Variants in TTC17 observed in about 807,000 individuals in gnomAD.
TTC17 encodes tetratricopeptide repeat protein 17.
TTC17 carries 58 observed loss-of-function variants against 143.8 expected under a neutral mutation model. The observed-to-expected ratio is 0.40, with a 90% CI of 0.33 to 0.50. The LOEUF is 0.50. Among genes scored for constraint, TTC17 ranks in the 20% least tolerant of loss-of-function variants. The probability of loss-of-function intolerance (pLI) is 0.49; values close to 1 mark genes in which losing one functional copy is unlikely to be tolerated. For missense variants in TTC17, 1,273 were observed against 1,392.5 expected, an observed-to-expected ratio of 0.91 and a Z score of 1.37; for synonymous variants, 501 against 497.8, an observed-to-expected ratio of 1.01 and a Z score of -0.09.
Position 43,473,302 on chromosome 11 carries a change from T to C in TTC17, c.3031-16937T>C, listed in dbSNP as rs185300981. Among the ~76,000 whole-genome samples, 415 of 152,102 alleles carry C rather than the reference T, an allele frequency of 2.7e-3. 1 individual carries two copies. Among genetic ancestry groups the C allele is most frequent in the Non-Finnish European group, 4.2e-3 (285 of 67,976 alleles). On this transcript the variant is annotated intron_variant, in intron 21 of 23. Coordinates refer to ENST00000039989, the MANE Select transcript of TTC17 (RefSeq NM_018259.6). Reference sequence around the variant, plus strand: ...AAATATTTTGAAATGAATGATACAGTGTAAAAGATATGGTATATCAGCACA... The same window carrying C: ...AAATATTTTGAAATGAATGATACAGCGTAAAAGATATGGTATATCAGCACA...
chr11:43,486,659 G>A (rs187456428), intron 21 of TTC17, among the ~76,000 whole-genome samples: 109 of 152,216 alleles, frequency 7.2e-4, no homozygotes, highest in African/African-American at 2.6e-3. Context: ...CAGTAAGGTG[G>A]TCGTTTCTGG....
chr11:43,400,252 AT>A (rs1340615829), intron 9 of TTC17, among the ~76,000 whole-genome samples: 2 of 152,148 alleles, frequency 1.3e-5, no homozygotes, highest in Non-Finnish European at 2.9e-5. Context: ...TCAAATTTAC[AT>A]TTTGAAATAA....
In TTC17 at chr11:43,381,311, TA is replaced by T. The variant is rs146145529; in HGVS notation, c.249+1992del. On this transcript the variant is annotated intron_variant, in intron 2 of 23. Transcript: ENST00000039989. ...CTTGAAAGTAGTATAAGCATCTCCATAAACCAGAAATGAGGAGAAGCACTAA... is the reference window on the plus strand; with the variant it reads ...CTTGAAAGTAGTATAAGCATCTCCATAACCAGAAATGAGGAGAAGCACTAA... Among the ~76,000 whole-genome samples, 1,479 of 152,274 alleles carry T rather than the reference TA, an allele frequency of 9.7e-3. 19 individuals carry two copies. The highest frequency in any genetic ancestry group is 0.033 in the African/African-American group (1,363 of 41,546).
intron 16 of TTC17, among the ~76,000 whole-genome samples, chr11:43,419,863 A>G (rs779081997): frequency 5.9e-5 from 9 of 152,182 alleles, no homozygotes; most frequent in Non-Finnish European, 1.2e-4. Flanking sequence ...ACTCTTAAAC[A>G]GCATTTTAAA....
chr11:43,410,471 A>C (rs2134606836), intron 15 of TTC17, among the ~76,000 whole-genome samples: 1 of 152,286 alleles, frequency 6.6e-6, no homozygotes, highest in South Asian at 2.1e-4. Context: ...CGTCTCCTGG[A>C]TATTTTATAG....
At chr11:43,446,950 G>A (rs77503374) in intron 18 of TTC17, among the ~76,000 whole-genome samples, 1 of 152,182 alleles carries the variant, frequency 6.6e-6, no homozygotes, top group Non-Finnish European at 1.5e-5. Flanking sequence ...AGCTCTGCCA[G>A]TTGCTAGCCA....
At chr11:43,413,036 G>T (rs1015322767) in intron 15 of TTC17, among the ~76,000 whole-genome samples, 2 of 147,634 alleles carry the variant, frequency 1.4e-5, no homozygotes, top group African/African-American at 2.6e-5. Context: ...ACAAATGGGG[G>T]CAGGGTGATG....
At chr11:43,380,533 G>A (rs924143539) in intron 2 of TTC17, among the ~76,000 whole-genome samples, 4 of 151,882 alleles carry the variant, frequency 2.6e-5, no homozygotes, top group African/African-American at 9.7e-5. Context: ...GGGATTACAG[G>A]CATGAGTCAC....
At chr11:43,478,963 G>T (rs760119217) in intron 21 of TTC17, among the ~76,000 whole-genome samples, 1 of 152,124 alleles carries the variant, frequency 6.6e-6, no homozygotes, top group East Asian at 1.9e-4. Flanking sequence ...GTTCCAGGCC[G>T]GGCGTGGTGG....
chr11:43,487,431 C>G (rs1479131261), intron 21 of TTC17, among the ~76,000 whole-genome samples: 1 of 152,164 alleles, frequency 6.6e-6, no homozygotes, highest in Non-Finnish European at 1.5e-5. Context: ...CAGGTGTGGG[C>G]CACCACACCT....
intron 16 of TTC17, among the ~76,000 whole-genome samples, chr11:43,415,441 G>A (rs886710364): frequency 1.3e-5 from 2 of 152,242 alleles, no homozygotes; most frequent in Middle Eastern, 3.4e-3. Flanking sequence ...ATAAAATCGT[G>A]AATTTTAACT....
At chr11:43,465,614 C>T (rs559868714) in intron 21 of TTC17, among the ~76,000 whole-genome samples, 3 of 152,156 alleles carry the variant, frequency 2.0e-5, no homozygotes, top group Non-Finnish European at 1.5e-5. Context: ...TAGACAATGG[C>T]GAGCCCAAAA....
intron 16 of TTC17, among the ~76,000 whole-genome samples, chr11:43,420,728 C>T (rs557455936): frequency 1.1e-4 from 16 of 152,070 alleles, no homozygotes; most frequent in Non-Finnish European, 2.1e-4. Flanking sequence ...CTCTGAAAGA[C>T]ATTATATATA....
At chr11:43,408,860 G>C (rs1287838710) in intron 15 of TTC17, among the ~76,000 whole-genome samples, 3 of 151,986 alleles carry the variant, frequency 2.0e-5, no homozygotes, top group Non-Finnish European at 4.4e-5. Flanking sequence ...ACCCACCTCA[G>C]CCTCCCTAGT....
rs1044918457 is a variant in TTC17, at chr11:43,461,849, TAATAAGTAA to T, written c.3030+10587_3030+10595del. 2.6e-5 allele frequency among the ~76,000 whole-genome samples: 4 copies of T among 152,298 alleles called. No individual in the cohort carries two copies. The East Asian group carries it at 5.8e-4, about 22-fold the overall frequency. ...TAAAAGTAATAATTTGCATTGGCCT[TAATAAGTAA>T]AAAAGCATGTTTTAAACTCTAGGCT... On this transcript the variant is annotated intron_variant, in intron 21 of 23. Transcript: ENST00000039989.
At chr11:43,453,382 AAAAG>A (rs932995532) in intron 21 of TTC17, among the ~76,000 whole-genome samples, 3 of 152,294 alleles carry the variant, frequency 2.0e-5, no homozygotes, top group African/African-American at 7.2e-5. Flanking sequence ...GAAGAAAAAA[AAAAG>A]AGAGAAAGAA....
chr11:43,422,598 C>T (rs1057297228), intron 16 of TTC17, among the ~76,000 whole-genome samples: 3 of 152,080 alleles, frequency 2.0e-5, no homozygotes, highest in Admixed American at 1.3e-4. Flanking sequence ...AGTAGAAAAA[C>T]CATTGAAGTA....
At chr11:43,452,882 C>T (rs1947690440) in intron 21 of TTC17, among the ~76,000 whole-genome samples, 1 of 151,904 alleles carries the variant, frequency 6.6e-6, no homozygotes, top group Admixed American at 6.6e-5. Context: ...ATGATCATGC[C>T]ACTGCACTCC....
intron 16 of TTC17, among the ~76,000 whole-genome samples, chr11:43,423,249 G>A (rs1206548740): frequency 6.6e-6 from 1 of 152,194 alleles, no homozygotes; most frequent in Non-Finnish European, 1.5e-5. Context: ...ATTAACTAGA[G>A]AGGTTTCTAA....
Sources: allele counts gnomAD v4.1 joint callset (sites outside exome capture counted in the v4.1 genomes callset), GRCh38; gene constraint gnomAD v4.1.1; transcripts MANE v1.5; gene names NCBI Gene and HGNC (gene_info 2026-07-23, HGNC 2026-07-21).